VPS37B: variants seen among roughly 807,000 people sequenced by gnomAD.
VPS37B encodes the protein vacuolar protein sorting-associated protein 37B.
In VPS37B, 11 loss-of-function variants were observed where a neutral mutation model predicts 21.2. The ratio of observed to expected loss-of-function variants is 0.52; its 90% CI spans 0.33 to 0.86. VPS37B has a LOEUF of 0.86. Ranked by LOEUF, VPS37B falls within the 40% of genes least tolerant of loss-of-function variation. VPS37B has a pLI of 0.03. For synonymous variants in VPS37B, 175 were observed against 159.6 expected, an observed-to-expected ratio of 1.10 and a Z score of -0.73; for missense variants, 389 against 374.8, an observed-to-expected ratio of 1.04 and a Z score of -0.31.
rs527634728 is a variant in VPS37B, at chr12:122,870,721, G to A, written c.283+169C>T. ...CTCCAGTCTGACAGAGCAAGACCCT[G>A]TCTCTAAAAATAAATAAATAATATA... is the stretch of plus-strand genomic sequence containing the variant. On this transcript the variant is annotated intron_variant, in intron 2 of 3. Coordinates refer to ENST00000267202, the MANE Select transcript of VPS37B (RefSeq NM_024667.3). The A allele has an allele frequency of 1.5e-3, 1,065 of 689,550 alleles. 22 individuals are homozygous for A. The South Asian group carries it at 0.022, about 14-fold the overall frequency. The allele number at this position is 689,550 out of a possible 1,614,324, so 42.7% of individuals were successfully genotyped here.
rs769147588 is a variant in VPS37B at position 122,867,344 on chromosome 12, TG to T, written c.629del (p.Pro210HisfsTer10). 885 of 421,042 alleles carry T rather than the reference TG, an allele frequency of 2.1e-3. No homozygotes were observed. The highest frequency in any genetic ancestry group is 2.6e-3 in the Non-Finnish European group (633 of 246,854). The allele number at this position is 421,042 out of a possible 1,614,324, so 26.1% of individuals were successfully genotyped here. On this transcript the variant is annotated frameshift_variant, in exon 4 of 4. Coordinates refer to ENST00000267202, the MANE Select transcript of VPS37B (RefSeq NM_024667.3). LOFTEE classifies it high-confidence loss of function. The surrounding 1 kb of genome is among the most constrained non-coding windows in gnomAD (Gnocchi z 5.5). ...AGCGTCCCGCAGGCACCGGGGGTGG[TG>T]GGGGGGGGATGCGCCGAGGTGCAAC... Reference protein sequence around the residue: ...PAVAPRRIPPPPPPVPAGRLA... With the variant: ...PAVAPRRIPPXPPPVPAGRLA...
At chr12:122,885,458 A>C (rs2034307480) in intron 1 of VPS37B, 1 of 152,096 alleles carries the variant, frequency 6.6e-6, no homozygotes, top group Non-Finnish European at 1.5e-5. Context: ...TGATTTAAAA[A>C]ATAAGAAAAT....
chr12:122,891,187 C>A (rs2034406103), intron 1 of VPS37B, among the ~76,000 whole-genome samples: 1 of 152,232 alleles, frequency 6.6e-6, no homozygotes, highest in Non-Finnish European at 1.5e-5. Flanking sequence ...CTGACTCCGA[C>A]CACTGTGTGA....
intron 1 of VPS37B, chr12:122,885,242 C>G (rs1227004609): frequency 2.0e-5 from 3 of 150,266 alleles, no homozygotes; most frequent in African/African-American, 7.3e-5. Flanking sequence ...ACTGCCTAGA[C>G]ACTTAAGACT....
chr12:122,869,535 GAAGTT>G (rs1297408423), intron 2 of VPS37B, among the ~76,000 whole-genome samples: 8 of 152,234 alleles, frequency 5.3e-5, no homozygotes, highest in African/African-American at 1.7e-4. Context: ...AATTTTTACT[GAAGTT>G]AATGGAGAAA....
At position 122,895,852 on chromosome 12, in the gene VPS37B, G is replaced by C. The variant is rs893141120; in HGVS notation, c.111+100C>G. 6.8e-6 allele frequency: 7 copies of C among 1,029,290 alleles called. No individual in the cohort carries two copies. The East Asian group carries it at 2.0e-4, about 30-fold the overall frequency. The allele number at this position is 1,029,290 out of a possible 1,614,324, so 63.8% of individuals were successfully genotyped here. A position where few individuals can be genotyped will look rare whatever the true frequency, so the allele number is the denominator to read the frequency against. On this transcript the variant is annotated intron_variant, in intron 1 of 3. Coordinates refer to ENST00000267202, the MANE Select transcript of VPS37B (RefSeq NM_024667.3). ...ATTTCTAGCCCAGTCCCCTCAACACGACCGGAGGCGCCGCGGTCGCCTCCG... is the reference window on the plus strand; with the variant it reads ...ATTTCTAGCCCAGTCCCCTCAACACCACCGGAGGCGCCGCGGTCGCCTCCG...
In VPS37B at chr12:122,867,585, T is replaced by A. The variant is rs1228987823; in HGVS notation, c.389A>T (p.Asp130Val). 7 of 1,613,312 alleles carry A rather than the reference T, an allele frequency of 4.3e-6. No homozygotes were observed. Among genetic ancestry groups the A allele is most frequent in the African/African-American group, 2.7e-5 (2 of 74,886 alleles). Residue 130 changes from aspartate to valine, a missense_variant, in exon 4 of 4, where the codon GAT (aspartate) becomes GTT (valine). Asp to Val is a radical substitution (Grantham distance 152, BLOSUM62 -3). Transcript: ENST00000267202. The surrounding 1 kb of genome is among the most constrained non-coding windows in gnomAD (Gnocchi z 5.5). ...GAAGGAATCCAGAGGAAGTTCTCCATCCAGAAACTTCTCTGCCATGTTCTG... is the reference window on the plus strand; with the variant it reads ...GAAGGAATCCAGAGGAAGTTCTCCAACCAGAAACTTCTCTGCCATGTTCTG... Reference protein sequence around the residue: ...DTENMAEKFLDGELPLDSFID... With the variant: ...DTENMAEKFLVGELPLDSFID...
chr12:122,871,345 C>T, intron 1 of VPS37B: 11 of 1,139,178 alleles, frequency 9.7e-6, no homozygotes, highest in Admixed American at 4.6e-5. Context: ...GCCACGGCTG[C>T]GCTGTGACTT....
Position 122,867,459 on chromosome 12 carries a change from G to T in VPS37B, c.515C>A (p.Ala172Asp), listed in dbSNP as rs777939759. 3.1e-6 allele frequency: 5 copies of T among 1,613,722 alleles called. No individual in the cohort carries two copies. The highest frequency in any genetic ancestry group is 4.2e-6 in the Non-Finnish European group (5 of 1,180,000). ...MVLKGQRLPQ[A>D]LAPLPPRLPE... Reference sequence around the variant, plus strand: ...CAGCCTGGGGGGCAGCGGGGCCAGGGCCTGTGGGAGTCTCTGCCCCTTTAG... The same window carrying T: ...CAGCCTGGGGGGCAGCGGGGCCAGGTCCTGTGGGAGTCTCTGCCCCTTTAG... Residue 172 changes from alanine (A) to aspartate (D), a missense_variant, in exon 4 of 4, where the codon GCC becomes GAC. Transcript: ENST00000267202. This position sits in a 1 kb window ranked among gnomAD's most constrained non-coding sequence, Gnocchi z 5.5.
intron 1 of VPS37B, chr12:122,872,356 C>T (rs184142720): frequency 8.1e-6 from 8 of 985,376 alleles, no homozygotes; most frequent in Non-Finnish European, 9.6e-6. Flanking sequence ...CAGACAACAG[C>T]TGCACCCAGG....
chr12:122,883,178 T>C lies in VPS37B; in HGVS notation c.112-12117A>G, dbSNP rs573516051. 6 of 152,336 alleles carry C rather than the reference T, an allele frequency of 3.9e-5. No homozygotes were observed. The South Asian group carries it at 1.2e-3, about 32-fold the overall frequency. 9.4% of individuals were successfully genotyped at this position (152,336 alleles called of 1,614,324 possible). A position where few individuals can be genotyped will look rare whatever the true frequency, so the allele number is the denominator to read the frequency against. ...ACACACAGAACCTCTAACTTCCAAC[T>C]ATTAGATTAATAAAGATAGCTATTT... On this transcript the variant is annotated intron_variant, in intron 1 of 3. Coordinates refer to ENST00000267202, the MANE Select transcript of VPS37B (RefSeq NM_024667.3).
chr12:122,895,850 ACGACCGGAGGCGCCGCGGTCGCCTCCGCC>A lies in VPS37B; in HGVS notation c.111+73_111+101del. The A allele has an allele frequency of 2.8e-6, 3 of 1,056,442 alleles. No homozygotes were observed. The South Asian group carries it at 3.8e-5, about 13-fold the overall frequency. The allele number at this position is 1,056,442 out of a possible 1,614,324, so 65.4% of individuals were successfully genotyped here. On this transcript the variant is annotated intron_variant, in intron 1 of 3. Transcript: ENST00000267202. ...CCATTTCTAGCCCAGTCCCCTCAACACGACCGGAGGCGCCGCGGTCGCCTCCGCCTCCGGCCACCGTTCGAGGAGCGAAC... is the reference window on the plus strand; with the variant it reads ...CCATTTCTAGCCCAGTCCCCTCAACATCCGGCCACCGTTCGAGGAGCGAAC...
chr12:122,871,339 C>A, intron 1 of VPS37B: 1 of 1,153,226 alleles, frequency 8.7e-7, no homozygotes, highest in Non-Finnish European at 1.1e-6. Context: ...TTCCCTGCCA[C>A]GGCTGCGCTG....
chr12:122,879,040 GCC>G (rs2034206514), intron 1 of VPS37B: 1 of 152,372 alleles, frequency 6.6e-6, no homozygotes, highest in Non-Finnish European at 1.5e-5. Flanking sequence ...GTGGTCACAA[GCC>G]CAGGACGCCA....
intron 1 of VPS37B, among the ~76,000 whole-genome samples, chr12:122,891,480 T>G (rs1472388775): frequency 6.6e-6 from 1 of 152,250 alleles, no homozygotes; most frequent in African/African-American, 2.4e-5. Flanking sequence ...CATGAAATCT[T>G]GATGCCTCAC....
chr12:122,888,905 G>A (rs1011824034), intron 1 of VPS37B: 7 of 251,896 alleles, frequency 2.8e-5, no homozygotes, highest in Non-Finnish European at 5.7e-5. Context: ...AACTGCCTGC[G>A]GGACAAAGCC....
chr12:122,875,845 TAAAAAAAA>T (rs397948172), intron 1 of VPS37B: 7 of 84,272 alleles, frequency 8.3e-5, no homozygotes, highest in South Asian at 8.0e-4. Context: ...ACCATCAAAC[TAAAAAAAA>T]AAAAAAAAAA....
chr12:122,886,323 G>A (rs993606700), intron 1 of VPS37B: 1 of 152,190 alleles, frequency 6.6e-6, no homozygotes. Context: ...TCTAGCAGAA[G>A]AAACAAAACC....
intron 1 of VPS37B, among the ~76,000 whole-genome samples, chr12:122,892,897 C>A (rs2034437159): frequency 6.6e-6 from 1 of 152,156 alleles, no homozygotes; most frequent in Non-Finnish European, 1.5e-5. Flanking sequence ...TCCGTCTCTA[C>A]TAAAAATACA....
Sources: allele counts gnomAD v4.1 joint callset (sites outside exome capture counted in the v4.1 genomes callset), GRCh38; gene constraint gnomAD v4.1.1; non-coding constraint Gnocchi (gnomAD v3.1); transcripts MANE v1.5; gene names NCBI Gene and HGNC (gene_info 2026-07-23, HGNC 2026-07-21).